Variants in LMCD1 observed in about 807,000 individuals in gnomAD.
The protein encoded by LMCD1 is LIM and cysteine-rich domains protein 1.
A neutral mutation model predicts 42.7 loss-of-function variants in LMCD1; 32 were observed. The ratio of observed to expected loss-of-function variants is 0.75; its 90% CI spans 0.57 to 1.01. The LOEUF is 1.01. Ranked by LOEUF, LMCD1 falls within the 50% of genes least tolerant of loss-of-function variation. The pLI, the probability that LMCD1 is intolerant of heterozygous loss-of-function variation, is 0.00. For synonymous variants in LMCD1, 178 were observed against 184.9 expected (o/e 0.96, Z 0.30); for missense variants, 458 against 483.1 (o/e 0.95, Z 0.49).
intron 3 of LMCD1, among the ~76,000 whole-genome samples, chr3:8,542,819 A>T (rs536480341): frequency 1.3e-5 from 2 of 152,292 alleles, no homozygotes; most frequent in East Asian, 3.9e-4. Context: ...CCAAAAGGTA[A>T]CATTAGTACC....
intron 1 of LMCD1, among the ~76,000 whole-genome samples, chr3:8,523,233 G>C (rs1201884099): frequency 1.3e-5 from 2 of 152,190 alleles, no homozygotes; most frequent in Admixed American, 6.5e-5. Flanking sequence ...TTCAGGAAAA[G>C]AGTCTCTAAA....
At position 8,549,753 on chromosome 3, in the gene LMCD1, G is replaced by C. The variant is rs1172399861; in HGVS notation, c.723+850G>C. On this transcript the variant is annotated intron_variant, in intron 4 of 5. Coordinates refer to ENST00000157600, the MANE Select transcript of LMCD1 (RefSeq NM_014583.4). ...AGGCTGAGAAGTCCAAGGCCAAGGG[G>C]CTGCATCTGGTGAGGGACTTCTTCC... 4 of 698,890 alleles carry C rather than the reference G, an allele frequency of 5.7e-6. No individual in the cohort carries two copies. The African/African-American group carries it at 7.0e-5, about 12-fold the overall frequency. 43.3% of individuals were successfully genotyped at this position (698,890 alleles called of 1,614,324 possible).
intron 4 of LMCD1, among the ~76,000 whole-genome samples, chr3:8,562,122 G>A (rs971782248): frequency 6.6e-6 from 1 of 152,066 alleles, no homozygotes; most frequent in Non-Finnish European, 1.5e-5. Flanking sequence ...TCCCCACAAA[G>A]CCCCAATCCT....
At chr3:8,528,119 G>A (rs1448309288) in intron 1 of LMCD1, among the ~76,000 whole-genome samples, 1 of 152,132 alleles carries the variant, frequency 6.6e-6, no homozygotes, top group Non-Finnish European at 1.5e-5. Context: ...TAATCCTATG[G>A]GGATGAGGAG....
At chr3:8,509,471 C>T (rs57687600) in intron 1 of LMCD1, among the ~76,000 whole-genome samples, 9,375 of 152,274 alleles carry the variant, frequency 0.062, 488 homozygotes, top group South Asian at 0.14. Flanking sequence ...GCAACAGTCA[C>T]TCATTTCTTT....
intron 4 of LMCD1, among the ~76,000 whole-genome samples, chr3:8,557,933 C>T (rs1232424241): frequency 6.6e-6 from 1 of 152,158 alleles, no homozygotes; most frequent in Non-Finnish European, 1.5e-5. Flanking sequence ...TGGGAAGACA[C>T]ACACAGCAGG....
intron 3 of LMCD1, among the ~76,000 whole-genome samples, chr3:8,543,190 C>T (rs1363543449): frequency 6.6e-6 from 1 of 152,162 alleles, no homozygotes; most frequent in African/African-American, 2.4e-5. Context: ...GCAAAGTTGC[C>T]ACCCAAGGCT....
intron 5 of LMCD1, 32 bp downstream of exon 5, chr3:8,565,679 CT>C: frequency 6.5e-7 from 1 of 1,543,690 alleles, no homozygotes; most frequent in South Asian, 1.2e-5. Context: ...GGTTAGGGGG[CT>C]TGAGGGACAC....
chr3:8,566,030 T>A (rs112165845), intron 5 of LMCD1, among the ~76,000 whole-genome samples: 2 of 152,200 alleles, frequency 1.3e-5, no homozygotes, highest in Admixed American at 6.5e-5. Context: ...TTTTACTACT[T>A]ATAAAATAGG....
At chr3:8,550,643 C>T (rs1205130548) in intron 4 of LMCD1, 1 of 984,688 alleles carries the variant, frequency 1.0e-6, no homozygotes, top group Non-Finnish European at 1.2e-6. Context: ...GCATAAAAGG[C>T]CCATTTCTCA....
intron 2 of LMCD1, among the ~76,000 whole-genome samples, chr3:8,533,416 C>T (rs1019499310): frequency 2.6e-5 from 4 of 152,156 alleles, no homozygotes; most frequent in African/African-American, 9.7e-5. Context: ...CCCTGGGCAG[C>T]ATTCATGTCA....
intron 1 of LMCD1, among the ~76,000 whole-genome samples, chr3:8,517,382 T>C (rs1694120021): frequency 6.6e-6 from 1 of 152,220 alleles, no homozygotes; most frequent in Admixed American, 6.5e-5. Flanking sequence ...ATTACATATA[T>C]GCAAATATTC....
chr3:8,516,837 C>A (rs1004499465), intron 1 of LMCD1, among the ~76,000 whole-genome samples: 2 of 152,174 alleles, frequency 1.3e-5, no homozygotes, highest in African/African-American at 4.8e-5. Context: ...TATTAGTCAT[C>A]CTCTACTCCT....
chr3:8,514,528 G>A (rs185659742), intron 1 of LMCD1, among the ~76,000 whole-genome samples: 3 of 152,206 alleles, frequency 2.0e-5, no homozygotes, highest in Admixed American at 6.5e-5. Context: ...CAAAAGAAAG[G>A]ATCACAGATA....
intron 1 of LMCD1, among the ~76,000 whole-genome samples, chr3:8,528,226 G>A (rs188971664): frequency 6.6e-6 from 1 of 152,220 alleles, no homozygotes; most frequent in Non-Finnish European, 1.5e-5. Flanking sequence ...AGGGGGCCGG[G>A]GGGACAGGAT....
chr3:8,516,002 C>T (rs3774219), intron 1 of LMCD1, among the ~76,000 whole-genome samples: 76,708 of 151,874 alleles, frequency 0.51, 20,242 homozygotes, highest in African/African-American at 0.58. Flanking sequence ...GGGAAGCCAG[C>T]GCACCAAACC....
In LMCD1 at chr3:8,558,210, A is replaced by T. The variant is rs1028119115; in HGVS notation, c.724-7222A>T. Among the ~76,000 whole-genome samples the T allele has an allele frequency of 3.9e-5, 6 of 152,346 alleles. No homozygotes were observed. The East Asian group carries it at 1.2e-3, about 29-fold the overall frequency. ...GGAATTAAATTCTATGTTGGTTGGA[A>T]GGGTATCCAAGAAATTTGCCAACAT... On this transcript the variant is annotated intron_variant, in intron 4 of 5. Transcript: ENST00000157600.
At chr3:8,517,204 G>A (rs1286780111) in intron 1 of LMCD1, among the ~76,000 whole-genome samples, 3 of 152,126 alleles carry the variant, frequency 2.0e-5, no homozygotes, top group Non-Finnish European at 4.4e-5. Context: ...CTGACATGAA[G>A]CCATGAGTGG....
At chr3:8,567,415 G>A in intron 5 of LMCD1, 25 bp from the exon 6 acceptor site, 2 of 1,610,662 alleles carry the variant, frequency 1.2e-6, no homozygotes, top group African/African-American at 1.3e-5. Context: ...ACTGAGTCAT[G>A]CATTTCTCCT....
Sources: allele counts gnomAD v4.1 joint callset (sites outside exome capture counted in the v4.1 genomes callset), GRCh38; gene constraint gnomAD v4.1.1; transcripts MANE v1.5; gene names NCBI Gene and HGNC (gene_info 2026-07-23, HGNC 2026-07-21).